Variants in MLLT10 observed in about 807,000 individuals in gnomAD.
The protein encoded by MLLT10 is protein AF-10.
A neutral mutation model predicts 129.1 loss-of-function variants in MLLT10; 30 were observed. That is an observed-to-expected ratio of 0.23 (90% confidence interval 0.17 to 0.32). The LOEUF (loss-of-function observed/expected upper bound fraction) is 0.32. Among genes scored for constraint, MLLT10 ranks in the 10% least tolerant of loss-of-function variants. MLLT10 has a pLI of 1.00. For synonymous variants in MLLT10, 490 were observed against 446.4 expected, an observed-to-expected ratio of 1.10 and a Z score of -1.23; for missense variants, 1,119 against 1,268.3, an observed-to-expected ratio of 0.88 and a Z score of 1.79.
chr10:21,592,450 T>TG (rs796726503), intron 4 of MLLT10, among the ~76,000 whole-genome samples: 4,941 of 151,446 alleles, frequency 0.033, 266 homozygotes, highest in African/African-American at 0.11. Context: ...GTTTTTTTTT[T>TG]TTTGTTTGTT....
intron 8 of MLLT10, chr10:21,624,863 AC>A: frequency 2.7e-6 from 3 of 1,122,446 alleles, no homozygotes; most frequent in Non-Finnish European, 4.0e-6. Context: ...CCCCTCTGCC[AC>A]CCCTACAGCC....
intron 3 of MLLT10, among the ~76,000 whole-genome samples, chr10:21,540,388 T>A (rs2034927472): frequency 6.7e-6 from 1 of 149,550 alleles, no homozygotes; most frequent in Non-Finnish European, 1.5e-5. Flanking sequence ...AGTGAGACTG[T>A]TTCAAAAAAA....
chr10:21,605,258 G>A (rs754982355), intron 5 of MLLT10, among the ~76,000 whole-genome samples: 2 of 152,100 alleles, frequency 1.3e-5, no homozygotes, highest in African/African-American at 2.4e-5. Context: ...ATGATGGCGT[G>A]GCTGACTGGG....
intron 10 of MLLT10, among the ~76,000 whole-genome samples, chr10:21,672,042 A>T (rs968209725): frequency 6.6e-6 from 1 of 152,196 alleles, no homozygotes; most frequent in African/African-American, 2.4e-5. Flanking sequence ...TAGTAGATAA[A>T]CAAATACTAG....
intron 8 of MLLT10, among the ~76,000 whole-genome samples, chr10:21,623,693 A>G (rs1015611405): frequency 6.6e-6 from 1 of 152,248 alleles, no homozygotes; most frequent in African/African-American, 2.4e-5. Flanking sequence ...ATTGCTGTCA[A>G]AGGACTCTAT....
intron 8 of MLLT10, among the ~76,000 whole-genome samples, chr10:21,650,556 CAG>C (rs2048922832): frequency 6.6e-6 from 1 of 151,794 alleles, no homozygotes; most frequent in African/African-American, 2.4e-5. Flanking sequence ...TTTAGGATGA[CAG>C]AGATACCAAT....
intron 3 of MLLT10, among the ~76,000 whole-genome samples, chr10:21,583,248 A>C (rs2041654901): frequency 6.6e-6 from 1 of 152,198 alleles, no homozygotes; most frequent in Non-Finnish European, 1.5e-5. Context: ...AATAGATAAA[A>C]TTTGGGAGTC....
At chr10:21,677,884 A>T (rs1017235053) in intron 11 of MLLT10, among the ~76,000 whole-genome samples, 3 of 152,204 alleles carry the variant, frequency 2.0e-5, no homozygotes, top group Non-Finnish European at 2.9e-5. Context: ...TCCTGAGGCT[A>T]GGGGCTGTTT....
At chr10:21,676,893 A>G (rs532189654) in intron 11 of MLLT10, among the ~76,000 whole-genome samples, 5 of 152,274 alleles carry the variant, frequency 3.3e-5, no homozygotes, top group South Asian at 2.1e-4. Context: ...TTTATTGACA[A>G]TAGTAAAAAG....
At chr10:21,591,696 T>C (rs963218576) in intron 4 of MLLT10, among the ~76,000 whole-genome samples, 3 of 152,046 alleles carry the variant, frequency 2.0e-5, no homozygotes, top group Admixed American at 2.0e-4. Flanking sequence ...TTCTTATCAG[T>C]AAATTCAGTC....
chr10:21,640,079 G>GT (rs2047837576), intron 8 of MLLT10, among the ~76,000 whole-genome samples: 2 of 150,788 alleles, frequency 1.3e-5, no homozygotes, highest in Non-Finnish European at 2.9e-5. Flanking sequence ...AGATACGCCT[G>GT]TTTTTTTAGT....
At chr10:21,702,034 C>G (rs916365563) in intron 13 of MLLT10, among the ~76,000 whole-genome samples, 5 of 152,046 alleles carry the variant, frequency 3.3e-5, no homozygotes, top group African/African-American at 1.2e-4. Flanking sequence ...TCAAGTGATT[C>G]TCCTGCCTCA....
chr10:21,637,588 A>T (rs1476076489), intron 8 of MLLT10, among the ~76,000 whole-genome samples: 1 of 152,224 alleles, frequency 6.6e-6, no homozygotes, highest in Non-Finnish European at 1.5e-5. Context: ...TTACCAGCTA[A>T]TAGTGAGAGC....
chr10:21,640,360 A>G lies in MLLT10; in HGVS notation c.700-11313A>G, dbSNP rs1250987905. Reference sequence around the variant, plus strand: ...ATAAAATATATATACACACACATATATGTGTGTGTGTATATATATGTATAT... The same window carrying G: ...ATAAAATATATATACACACACATATGTGTGTGTGTGTATATATATGTATAT... On this transcript the variant is annotated intron_variant, in intron 8 of 22. Coordinates refer to ENST00000307729, the MANE Select transcript of MLLT10 (RefSeq NM_001195626.3). Among the ~76,000 whole-genome samples the G allele has an allele frequency of 4.7e-5, 7 of 147,540 alleles. No individual in the cohort carries two copies. The East Asian group carries it at 5.9e-4, about 12-fold the overall frequency.
Position 21,670,559 on chromosome 10 carries a change from T to C in MLLT10, c.906T>C (p.Ser302=), listed in dbSNP as rs1026321365. 1 of 1,614,086 alleles carries C rather than the reference T, an allele frequency of 6.2e-7. No individual in the cohort carries two copies. Among genetic ancestry groups the C allele is most frequent in the Non-Finnish European group, 8.5e-7 (1 of 1,180,016 alleles). ...ANFQEVSAHT[S]SGKDVSETRG... ...TCCAGGAAGTCTCTGCACACACCTC[T>C]AGTGGAAAAGATGTTTCAGAGACTA... The change falls in exon 10 of 23, where the codon TCT becomes TCC. Residue 302 remains serine, a synonymous_variant. Transcript: ENST00000307729.
chr10:21,726,002 C>T (rs933398601), intron 14 of MLLT10, among the ~76,000 whole-genome samples: 1 of 152,066 alleles, frequency 6.6e-6, no homozygotes, highest in African/African-American at 2.4e-5. Context: ...CTGCCCACGT[C>T]AGCCTCCCAA....
intron 8 of MLLT10, among the ~76,000 whole-genome samples, chr10:21,631,932 G>GT (rs35117253): frequency 1.2e-3 from 159 of 132,172 alleles, no homozygotes; most frequent in South Asian, 2.8e-3. Flanking sequence ...TTTTTTTTTG[G>GT]TTTTTTTTTT....
rs1185466013 is a variant in MLLT10, at chr10:21,742,722, A to ATACT, written c.*741_*744dup. Reference sequence around the variant, plus strand: ...GGGAACCAGATCAATTCAAAGCTAAATACTTCTTTCAGAAAGGGGCCACTG... The same window carrying ATACT: ...GGGAACCAGATCAATTCAAAGCTAAATACTTACTTCTTTCAGAAAGGGGCCACTG... On this transcript the variant is annotated 3_prime_UTR_variant, in exon 23 of 23. Transcript: ENST00000307729. 8.8e-6 allele frequency: 2 copies of ATACT among 226,254 alleles called. No individual in the cohort carries two copies. Among genetic ancestry groups the ATACT allele is most frequent in the Non-Finnish European group, 1.8e-5 (2 of 113,778 alleles). The allele number at this position is 226,254 out of a possible 1,614,324, so 14.0% of individuals were successfully genotyped here.
chr10:21,731,632 T>C (rs2131575198), intron 17 of MLLT10, among the ~76,000 whole-genome samples: 1 of 152,306 alleles, frequency 6.6e-6, no homozygotes, highest in East Asian at 1.9e-4. Flanking sequence ...GGAGGAAGAA[T>C]AATAATTATT....
Sources: allele counts gnomAD v4.1 joint callset (sites outside exome capture counted in the v4.1 genomes callset), GRCh38; gene constraint gnomAD v4.1.1; transcripts MANE v1.5; gene names NCBI Gene and HGNC (gene_info 2026-07-23, HGNC 2026-07-21).